ERC2: variants seen among roughly 807,000 people sequenced by gnomAD.
ERC2 encodes the protein ERC protein 2.
ERC2 carries 42 observed loss-of-function variants against 114.8 expected under a neutral mutation model. That is an observed-to-expected ratio of 0.37 (90% CI 0.29 to 0.47). The LOEUF (loss-of-function observed/expected upper bound fraction) is 0.47, where lower values mean the gene tolerates loss of function less well. ERC2 is among the 20% of genes least tolerant of loss of function. The pLI is 0.99. For synonymous variants in ERC2, 454 were observed against 425.5 expected, an observed-to-expected ratio of 1.07 and a Z score of -0.82; for missense variants, 939 against 1,150.7, an observed-to-expected ratio of 0.82 and a Z score of 2.66.
At chr3:56,414,326 T>C (rs2107148910) in intron 2 of ERC2, among the ~76,000 whole-genome samples, 1 of 152,306 alleles carries the variant, frequency 6.6e-6, no homozygotes, top group African/African-American at 2.4e-5. Context: ...CTGCTACACC[T>C]TACTCTTTTC....
intron 17 of ERC2, chr3:55,613,104 T>C (rs758868609): frequency 6.6e-6 from 1 of 152,232 alleles, no homozygotes; most frequent in Non-Finnish European, 1.5e-5. Flanking sequence ...TGGAGCATTG[T>C]AAATAAACAT....
At chr3:56,228,100 G>A (rs1289088636) in intron 3 of ERC2, among the ~76,000 whole-genome samples, 2 of 152,164 alleles carry the variant, frequency 1.3e-5, no homozygotes, top group Non-Finnish European at 2.9e-5. Context: ...AATACTGATG[G>A]GGAGGGGCAT....
chr3:56,066,631 G>A (rs1289447584), intron 7 of ERC2, among the ~76,000 whole-genome samples: 1 of 152,126 alleles, frequency 6.6e-6, no homozygotes, highest in Non-Finnish European at 1.5e-5. Flanking sequence ...CTTTGTCCAT[G>A]CCTATTTCCT....
At chr3:56,310,786 G>A (rs914156694) in intron 2 of ERC2, among the ~76,000 whole-genome samples, 1 of 152,022 alleles carries the variant, frequency 6.6e-6, no homozygotes, top group African/African-American at 2.4e-5. Context: ...GGGATCTCAG[G>A]TCTCACCTCA....
intron 17 of ERC2, among the ~76,000 whole-genome samples, chr3:55,679,943 A>G (rs2061982082): frequency 6.6e-6 from 1 of 152,228 alleles, no homozygotes; most frequent in Non-Finnish European, 1.5e-5. Flanking sequence ...CCTAGCCACA[A>G]TAAAACATCT....
At chr3:56,079,637 C>T (rs1216741470) in intron 7 of ERC2, among the ~76,000 whole-genome samples, 1 of 152,082 alleles carries the variant, frequency 6.6e-6, no homozygotes, top group Non-Finnish European at 1.5e-5. Context: ...TGCAGCTGCA[C>T]AGGTCCCTAT....
chr3:56,343,190 T>TCACACACACACA (rs1181595660), intron 2 of ERC2, among the ~76,000 whole-genome samples: 5,378 of 109,830 alleles, frequency 0.049, 106 homozygotes, highest in African/African-American at 0.06. Context: ...TCTCTCTCTC[T>TCACACACACACA]CTCACACACA....
chr3:56,160,852 C>A (rs1051752033), intron 4 of ERC2, among the ~76,000 whole-genome samples: 3 of 152,118 alleles, frequency 2.0e-5, no homozygotes, highest in Admixed American at 6.6e-5. Flanking sequence ...TGTTTTTATA[C>A]CAATACTATG....
At chr3:55,518,855 G>A (rs989771979) in intron 17 of ERC2, among the ~76,000 whole-genome samples, 11 of 152,126 alleles carry the variant, frequency 7.2e-5, no homozygotes, top group Non-Finnish European at 1.2e-4. Flanking sequence ...AACAAAAACT[G>A]GTTTTGTTTG....
At chr3:56,249,481 A>G (rs990288850) in intron 3 of ERC2, among the ~76,000 whole-genome samples, 16 of 151,806 alleles carry the variant, frequency 1.1e-4, no homozygotes, top group Non-Finnish European at 1.9e-4. Context: ...GCCCGCCACC[A>G]CGCCCAGCTA....
intron 17 of ERC2, among the ~76,000 whole-genome samples, chr3:55,558,923 G>A (rs1245106822): frequency 1.3e-5 from 2 of 152,210 alleles, no homozygotes; most frequent in Non-Finnish European, 2.9e-5. Context: ...ATGACCAAAA[G>A]TGGGTACAGT....
intron 17 of ERC2, among the ~76,000 whole-genome samples, chr3:55,575,531 C>T (rs1312556109): frequency 6.6e-6 from 1 of 152,200 alleles, no homozygotes; most frequent in East Asian, 1.9e-4. Flanking sequence ...TGGAAACAAA[C>T]CCAGCAGGGC....
At chr3:56,235,047 A>C (rs931344390) in intron 3 of ERC2, among the ~76,000 whole-genome samples, 1 of 152,160 alleles carries the variant, frequency 6.6e-6, no homozygotes, top group African/African-American at 2.4e-5. Context: ...GAAACAATCA[A>C]TGCTTCCCGA....
At chr3:56,281,209 G>A (rs1043716370) in intron 3 of ERC2, among the ~76,000 whole-genome samples, 15 of 151,812 alleles carry the variant, frequency 9.9e-5, no homozygotes, top group East Asian at 1.9e-4. Flanking sequence ...AGGCCGAGGC[G>A]GGCGGATCAC....
rs187319125 is a variant in ERC2 at position 56,433,045 on chromosome 3, A to C, written c.657+1306T>G. On this transcript the variant is annotated intron_variant, in intron 2 of 17. Transcript: ENST00000288221. The stretch of plus-strand genomic sequence containing the variant: ...TAATTTTAATCGGCAGGCTGTGGTG[A>C]TATGTGCCCGTAGTCCCAGCTACTC... Among the ~76,000 whole-genome samples the C allele has an allele frequency of 1.0e-3, 156 of 152,106 alleles. 2 individuals carry two copies. In the East Asian group the frequency reaches 0.025, roughly 25 times the overall value.
At chr3:56,005,044 A>AT (rs2072373950) in intron 10 of ERC2, among the ~76,000 whole-genome samples, 1 of 152,028 alleles carries the variant, frequency 6.6e-6, no homozygotes, top group Non-Finnish European at 1.5e-5. Context: ...CTGAAAAAAT[A>AT]TTTTAAACTT....
intron 17 of ERC2, among the ~76,000 whole-genome samples, chr3:55,525,276 A>T (rs1285108060): frequency 6.6e-6 from 1 of 152,200 alleles, no homozygotes; most frequent in Non-Finnish European, 1.5e-5. Context: ...TCAATTCAAC[A>T]AGCAATCATT....
intron 14 of ERC2, among the ~76,000 whole-genome samples, chr3:55,829,561 C>T (rs980145912): frequency 3.2e-4 from 48 of 152,262 alleles, no homozygotes; most frequent in Non-Finnish European, 7.4e-5. Flanking sequence ...CCCTCTGTCA[C>T]CTAGAGTGCA....
At chr3:56,305,866 T>C (rs1011719333) in intron 2 of ERC2, among the ~76,000 whole-genome samples, 1 of 151,736 alleles carries the variant, frequency 6.6e-6, no homozygotes, top group Non-Finnish European at 1.5e-5. Context: ...TGTTTGTTTT[T>C]TTGAGACAAA....
Sources: gnomAD v4.1 joint callset for allele counts (sites outside exome capture counted in the v4.1 genomes callset) on GRCh38, gnomAD v4.1.1 for gene constraint, MANE v1.5 for transcripts, NCBI Gene and HGNC (gene_info 2026-07-23, HGNC 2026-07-21) for gene names.